DAB1: variants seen among roughly 807,000 people sequenced by gnomAD.
DAB1 encodes the protein disabled homolog 1.
DAB1 carries 15 observed loss-of-function variants against 64.6 expected under a neutral mutation model. The observed-to-expected ratio is 0.23, with a 90% CI of 0.16 to 0.36. The LOEUF is 0.36. Among genes scored for constraint, DAB1 ranks in the 10% least tolerant of loss-of-function variants. The probability of loss-of-function intolerance (pLI) is 1.00; values close to 1 mark genes in which losing one functional copy is unlikely to be tolerated. For synonymous variants in DAB1, 235 were observed against 251.9 expected (o/e 0.93, Z 0.64); for missense variants, 596 against 706.7 (o/e 0.84, Z 1.78).
At chr1:57,958,267 C>T (rs915026939) in intron 5 of DAB1, among the ~76,000 whole-genome samples, 3 of 152,072 alleles carry the variant, frequency 2.0e-5, no homozygotes, top group Non-Finnish European at 4.4e-5. Context: ...AATGAGCCAC[C>T]GTACCCAGCC....
intron 3 of DAB1, among the ~76,000 whole-genome samples, chr1:58,500,581 AG>A (rs774717286): frequency 2.5e-4 from 38 of 152,342 alleles, no homozygotes; most frequent in Non-Finnish European, 5.0e-4. Context: ...AATTGAATGA[AG>A]TGAATTTGAT....
At chr1:57,134,414 T>G (rs1657900210) in intron 4 of DAB1, among the ~76,000 whole-genome samples, 1 of 151,822 alleles carries the variant, frequency 6.6e-6, no homozygotes, top group African/African-American at 2.4e-5. Context: ...GGTGAAACCC[T>G]GTCTCTATTA....
chr1:58,172,309 T>C (rs546988855), intron 4 of DAB1, among the ~76,000 whole-genome samples: 5 of 152,182 alleles, frequency 3.3e-5, no homozygotes, highest in South Asian at 4.1e-4. Context: ...AGTAAGGAAA[T>C]TGATGTAGTA....
At chr1:57,886,653 A>T (rs966094681), upstream of DAB1, among the ~76,000 whole-genome samples, 1 of 152,122 alleles carries the variant, frequency 6.6e-6, no homozygotes, top group Non-Finnish European at 1.5e-5. Context: ...CACTATTTGC[A>T]TGTCTTCTCT....
At chr1:58,303,941 G>C (rs376855812) in intron 4 of DAB1, among the ~76,000 whole-genome samples, 50 of 152,206 alleles carry the variant, frequency 3.3e-4, no homozygotes, top group African/African-American at 1.1e-3. Flanking sequence ...AGGGACAATA[G>C]GGCCCAACTC....
chr1:57,401,225 A>G (rs142052038), intron 1 of DAB1, among the ~76,000 whole-genome samples: 1 of 152,320 alleles, frequency 6.6e-6, no homozygotes, highest in East Asian at 1.9e-4. Flanking sequence ...TTTACATGGT[A>G]TAAGTATATA....
intron 1 of DAB1, among the ~76,000 whole-genome samples, chr1:57,398,108 G>A (rs557405060): frequency 5.8e-4 from 88 of 152,128 alleles, no homozygotes; most frequent in Non-Finnish European, 9.7e-4. Flanking sequence ...GATTTTTAAG[G>A]CTTTTCACTC....
At chr1:57,421,467 G>C (rs1191456139) in intron 1 of DAB1, among the ~76,000 whole-genome samples, 12 of 152,094 alleles carry the variant, frequency 7.9e-5, no homozygotes, top group Non-Finnish European at 2.9e-5. Flanking sequence ...TTGCCAACTC[G>C]ATGTGTAGAA....
chr1:57,071,759 T>C (rs924145616), intron 5 of DAB1, 118 bp from the exon 6 acceptor site: 1 of 968,618 alleles, frequency 1.0e-6, no homozygotes, highest in Non-Finnish European at 1.5e-6. Context: ...CTGAAAGCAT[T>C]CCATTCTTAA....
intron 7 of DAB1, among the ~76,000 whole-genome samples, chr1:57,646,240 CAAACA>C (rs933791803): frequency 1.3e-5 from 2 of 151,994 alleles, no homozygotes; most frequent in African/African-American, 2.4e-5. Flanking sequence ...AAGGTAATGG[CAAACA>C]AAACAAAACA....
At chr1:57,988,887 C>T (rs1646284398) in intron 5 of DAB1, among the ~76,000 whole-genome samples, 1 of 152,108 alleles carries the variant, frequency 6.6e-6, no homozygotes, top group Non-Finnish European at 1.5e-5. Context: ...AGCTAAGAGG[C>T]AAAGCATACC....
At chr1:58,500,319 A>G (rs574404040) in intron 3 of DAB1, among the ~76,000 whole-genome samples, 2 of 152,166 alleles carry the variant, frequency 1.3e-5, no homozygotes, top group Non-Finnish European at 2.9e-5. Flanking sequence ...AGACAAAATG[A>G]AATTCTGTAA....
chr1:58,504,458 A>C (rs1167804701), intron 3 of DAB1, among the ~76,000 whole-genome samples: 1 of 152,190 alleles, frequency 6.6e-6, no homozygotes, highest in Non-Finnish European at 1.5e-5. Flanking sequence ...ACAACCGAAC[A>C]TAGACTAGTA....
At position 57,775,819 on chromosome 1, in the gene DAB1, C is replaced by T. The variant is rs190180020; in HGVS notation, n.551+108180G>A. Among the ~76,000 whole-genome samples, 59 of 151,586 alleles carry T rather than the reference C, an allele frequency of 3.9e-4. 1 individual carries two copies. The highest frequency in any genetic ancestry group is 1.4e-3 in the Admixed American group (22 of 15,190). On this transcript the variant is annotated intron_variant and non_coding_transcript_variant, in intron 6 of 20. Transcript: ENST00000485760. ...GAAATGTTATAATTTCACAATTTAA[C>T]GGTAATCTTGTTATTTTTCCTTTCA...
chr1:57,837,150 G>T (rs554452048), intron 1 of DAB1, among the ~76,000 whole-genome samples: 2 of 152,254 alleles, frequency 1.3e-5, no homozygotes, highest in African/African-American at 4.8e-5. Flanking sequence ...TTTCCTCTTT[G>T]ATTTTCTATC....
At chr1:57,924,490 C>T (rs1043355623) in intron 5 of DAB1, among the ~76,000 whole-genome samples, 62 of 152,144 alleles carry the variant, frequency 4.1e-4, no homozygotes, top group African/African-American at 1.4e-3. Context: ...GAGACAGTCT[C>T]GCTTTGTTGC....
intron 9 of DAB1, among the ~76,000 whole-genome samples, chr1:57,059,814 C>T (rs1366840251): frequency 1.3e-5 from 2 of 152,270 alleles, no homozygotes; most frequent in Non-Finnish European, 2.9e-5. Flanking sequence ...GGAAGAGGAG[C>T]TCAGATTCCA....
At chr1:58,395,311 C>T (rs901955506) in intron 3 of DAB1, among the ~76,000 whole-genome samples, 4 of 152,164 alleles carry the variant, frequency 2.6e-5, no homozygotes, top group African/African-American at 9.6e-5. Flanking sequence ...TTGTAGAACT[C>T]TAAGTTTCTT....
At position 57,996,918 on chromosome 1, in the gene DAB1, G is replaced by T. The variant is rs74074074; in HGVS notation, n.388-112756C>A. 5.8e-3 allele frequency among the ~76,000 whole-genome samples: 882 copies of T among 152,194 alleles called. 6 individuals carry two copies. The highest frequency in any genetic ancestry group is 0.02 in the African/African-American group (816 of 41,526). ...GTGAGCCTGGAGAGTGTAAAGTATT[G>T]TTAGAGTAGGTAGTTAGGCATGAGC... On this transcript the variant is annotated intron_variant and non_coding_transcript_variant, in intron 5 of 20. Coordinates refer to the DAB1 transcript ENST00000485760.
Sources: gnomAD v4.1 joint callset for allele counts (sites outside exome capture counted in the v4.1 genomes callset) on GRCh38, gnomAD v4.1.1 for gene constraint, MANE v1.5 for transcripts, NCBI Gene and HGNC (gene_info 2026-07-23, HGNC 2026-07-21) for gene names.